The following CSMD3 variants were observed in gnomAD, a reference collection of about 807,000 sequenced individuals.
CSMD3 encodes the protein CUB and Sushi multiple domains 3.
In CSMD3, 177 loss-of-function variants were observed where a neutral mutation model predicts 435.2. That is an observed-to-expected ratio of 0.41 (90% CI 0.36 to 0.46). CSMD3 has a LOEUF of 0.46. CSMD3 is among the 20% of genes least tolerant of loss of function. CSMD3 has a pLI of 0.34. For missense variants in CSMD3, 4,265 were observed against 4,504.6 expected, an observed-to-expected ratio of 0.95 and a Z score of 1.52; for synonymous variants, 1,656 against 1,520.5, an observed-to-expected ratio of 1.09 and a Z score of -2.07.
intron 13 of CSMD3, among the ~76,000 whole-genome samples, chr8:112,719,907 C>G (rs1448738261): frequency 5.9e-5 from 9 of 152,020 alleles, no homozygotes; most frequent in Admixed American, 5.9e-4. Flanking sequence ...TCTTAAACAC[C>G]CTTGCAACTA....
At chr8:112,806,373 G>A (rs1485987779) in intron 12 of CSMD3, among the ~76,000 whole-genome samples, 2 of 152,182 alleles carry the variant, frequency 1.3e-5, no homozygotes, top group Non-Finnish European at 2.9e-5. Context: ...CAGTTTCCTT[G>A]GAGGTAGTGG....
intron 13 of CSMD3, among the ~76,000 whole-genome samples, chr8:112,760,068 A>G (rs913319690): frequency 2.0e-5 from 3 of 152,128 alleles, no homozygotes; most frequent in Non-Finnish European, 4.4e-5. Context: ...CTCCAGTACT[A>G]AATTCTTAAC....
At position 113,428,192 on chromosome 8, in the gene CSMD3, T is replaced by A. The variant is rs184064142; in HGVS notation, c.178+8485A>T. ...CAAAACCAATTAAGTTATGTGTTAC[T>A]CCAACTGTGGGATATCTATCTATCT... On this transcript the variant is annotated intron_variant, in intron 1 of 70. Transcript: ENST00000297405. 8.6e-5 allele frequency among the ~76,000 whole-genome samples: 13 copies of A among 150,634 alleles called. 1 individual carries two copies. The East Asian group carries it at 2.5e-3, about 29-fold the overall frequency.
At chr8:113,032,412 A>G (rs891226308) in intron 5 of CSMD3, among the ~76,000 whole-genome samples, 6 of 151,632 alleles carry the variant, frequency 4.0e-5, no homozygotes, top group African/African-American at 1.4e-4. Context: ...TACTCTTGCT[A>G]TGCTTAGCAA....
At chr8:113,324,599 A>G (rs1012406237) in intron 1 of CSMD3, among the ~76,000 whole-genome samples, 3 of 152,176 alleles carry the variant, frequency 2.0e-5, no homozygotes, top group Non-Finnish European at 4.4e-5. Context: ...AGTTTTCTGC[A>G]TGGGCAGGGT....
intron 1 of CSMD3, among the ~76,000 whole-genome samples, chr8:113,342,824 G>A (rs2094128674): frequency 6.6e-6 from 1 of 151,672 alleles, no homozygotes; most frequent in Non-Finnish European, 1.5e-5. Context: ...ACTCTTCTAA[G>A]GAAGATAACA....
intron 11 of CSMD3, among the ~76,000 whole-genome samples, chr8:112,849,646 C>T (rs1183544915): frequency 6.6e-6 from 1 of 151,534 alleles, no homozygotes; most frequent in African/African-American, 2.4e-5. Context: ...TAGAAGCAAA[C>T]TGGGATGTTA....
At chr8:112,494,511 CTTTCTTTCTTTCTT>C (rs1563615365) in intron 30 of CSMD3, among the ~76,000 whole-genome samples, 1 of 73,064 alleles carries the variant, frequency 1.4e-5, no homozygotes, top group African/African-American at 4.5e-5. Context: ...TTCTTTCTTT[CTTTCTTTCTTTCTT>C]TCTTTCTTTC....
At chr8:112,607,061 A>G (rs1832856229) in intron 22 of CSMD3, among the ~76,000 whole-genome samples, 1 of 151,298 alleles carries the variant, frequency 6.6e-6, no homozygotes, top group Non-Finnish European at 1.5e-5. Context: ...AATGGAGACT[A>G]GGAAAGCAAT....
intron 1 of CSMD3, among the ~76,000 whole-genome samples, chr8:113,348,674 G>A (rs1323345320): frequency 6.6e-6 from 1 of 152,064 alleles, no homozygotes; most frequent in Admixed American, 6.6e-5. Flanking sequence ...TTAGTCCTCT[G>A]AATACAGAAG....
intron 67 of CSMD3, 107 bp downstream of exon 67, chr8:112,237,083 T>A: frequency 7.7e-7 from 1 of 1,296,080 alleles, no homozygotes. Context: ...AAAGCAAATG[T>A]ATCAAAATAA....
chr8:112,461,438 T>C (rs1817436226), intron 32 of CSMD3, among the ~76,000 whole-genome samples: 1 of 152,128 alleles, frequency 6.6e-6, no homozygotes, highest in Non-Finnish European at 1.5e-5. Flanking sequence ...CTTTTTTCTT[T>C]TTATTATTTC....
intron 1 of CSMD3, chr8:113,377,277 A>C: frequency 3.7e-6 from 1 of 273,116 alleles, no homozygotes; most frequent in South Asian, 7.6e-5. Flanking sequence ...TATTAAAAAT[A>C]TTTTGGATGC....
chr8:113,252,186 C>G (rs1197238766), intron 3 of CSMD3, among the ~76,000 whole-genome samples: 4 of 152,078 alleles, frequency 2.6e-5, no homozygotes, highest in African/African-American at 9.7e-5. Flanking sequence ...CTTCCCTTCT[C>G]TCTCTCTACA....
At chr8:112,700,452 G>T (rs1394385093) in intron 13 of CSMD3, among the ~76,000 whole-genome samples, 6 of 152,092 alleles carry the variant, frequency 3.9e-5, no homozygotes, top group Non-Finnish European at 8.8e-5. Flanking sequence ...AATGAGGAGA[G>T]ATTGTGCCAC....
intron 3 of CSMD3, among the ~76,000 whole-genome samples, chr8:113,234,106 C>A (rs186734571): frequency 6.6e-6 from 1 of 152,010 alleles, no homozygotes; most frequent in Admixed American, 6.6e-5. Context: ...AAGATAGTTC[C>A]GAATAAAGGC....
At chr8:112,574,257 T>G (rs1428357839) in intron 23 of CSMD3, among the ~76,000 whole-genome samples, 2 of 152,044 alleles carry the variant, frequency 1.3e-5, no homozygotes, top group African/African-American at 4.8e-5. Context: ...GTATAACTGC[T>G]TATTGCACTC....
In CSMD3 at chr8:112,930,455, T is replaced by C. The variant is rs1346696767; in HGVS notation, c.1509-8704A>G. Among the ~76,000 whole-genome samples, 8 of 152,174 alleles carry C rather than the reference T, an allele frequency of 5.3e-5. No individual in the cohort carries two copies. The East Asian group carries it at 1.4e-3, about 26-fold the overall frequency. ...CAGCTGTCAGAGAGAAATAAACCAG[T>C]TGAAGTAGAGGTTTAAATAGTTAAA... On this transcript the variant is annotated intron_variant, in intron 9 of 70. Coordinates refer to ENST00000297405, the MANE Select transcript of CSMD3 (RefSeq NM_198123.2).
chr8:112,560,654 T>A (rs1171327149), intron 24 of CSMD3, among the ~76,000 whole-genome samples: 2 of 151,654 alleles, frequency 1.3e-5, no homozygotes, highest in Non-Finnish European at 3.0e-5. Flanking sequence ...TTAACTCAAA[T>A]CATGACATAT....
Sources: gnomAD v4.1 joint callset for allele counts (sites outside exome capture counted in the v4.1 genomes callset) on GRCh38, gnomAD v4.1.1 for gene constraint, MANE v1.5 for transcripts, NCBI Gene and HGNC (gene_info 2026-07-23, HGNC 2026-07-21) for gene names.